CUX1: variants seen among roughly 807,000 people sequenced by gnomAD.
CUX1 encodes cut like homeobox 1.
CUX1 carries 31 observed loss-of-function variants against 158.8 expected under a neutral mutation model. That is an observed-to-expected ratio of 0.20 (90% CI 0.15 to 0.26). The LOEUF is 0.26. Ranked by LOEUF, CUX1 falls within the 10% of genes least tolerant of loss-of-function variation. The pLI, the probability that CUX1 is intolerant of heterozygous loss-of-function variation, is 1.00. For missense variants in CUX1, 1,589 were observed against 2,014.6 expected (o/e 0.79, Z 4.04); for synonymous variants, 879 against 862.1 (o/e 1.02, Z -0.34).
intron 23 of CUX1, among the ~76,000 whole-genome samples, chr7:102,239,881 G>C (rs782482539): frequency 4.6e-5 from 7 of 152,148 alleles, no homozygotes; most frequent in Non-Finnish European, 8.8e-5. Context: ...CAAGTAGCTG[G>C]GATTACAGGC....
intron 2 of CUX1, among the ~76,000 whole-genome samples, chr7:102,018,653 C>A (rs1818966216): frequency 6.6e-6 from 1 of 152,264 alleles, no homozygotes; most frequent in Non-Finnish European, 1.5e-5. Context: ...GAGCAGTTCT[C>A]AGCTCTGAGA....
rs541132371 is a variant in CUX1 at position 102,225,696 on chromosome 7, A to G, written c.3131-1671A>G. ...AACATAGCAAGACCTCATCTCTACA[A>G]AATAAAAAATTAGACAGGTGTAGTG... On this transcript the variant is annotated intron_variant, in intron 20 of 23. Coordinates refer to ENST00000292535, the MANE Select transcript of CUX1 (RefSeq NM_181552.4). Among the ~76,000 whole-genome samples the G allele has an allele frequency of 7.2e-5, 11 of 152,340 alleles. No individual in the cohort carries two copies. In the South Asian group the frequency reaches 2.3e-3, roughly 32 times the overall value.
At chr7:101,841,368 C>T (rs1795182215) in intron 1 of CUX1, among the ~76,000 whole-genome samples, 1 of 151,514 alleles carries the variant, frequency 6.6e-6, no homozygotes, top group Non-Finnish European at 1.5e-5. Context: ...TTATTTACAA[C>T]TCTTCTCTTT....
intron 9 of CUX1, among the ~76,000 whole-genome samples, chr7:102,164,196 G>C (rs556779838): frequency 6.6e-6 from 1 of 152,108 alleles, no homozygotes; most frequent in Non-Finnish European, 1.5e-5. Flanking sequence ...CCACCCCTCC[G>C]GGGCCTCCTT....
At position 102,248,720 on chromosome 7, in the gene CUX1, C is replaced by CG; in HGVS notation, c.4200dup (p.Pro1401AlafsTer150). On this transcript the variant is annotated frameshift_variant, in exon 24 of 24. Transcript: ENST00000292535. LOFTEE classifies it low-confidence loss of function (END_TRUNC). This position sits in a 1 kb window ranked among gnomAD's most constrained non-coding sequence, Gnocchi z 5.8. ...CACGAGGGAGGCCCCGTGGAAGGCC[C>CG]GGGGCCCCTGCCCAGCCCCGCCTCC... 8.5e-7 allele frequency: 1 copy of CG among 1,170,114 alleles called. No homozygotes were observed. The highest frequency in any genetic ancestry group is 1.1e-6 in the Non-Finnish European group (1 of 945,802). 72.5% of individuals were successfully genotyped at this position (1,170,114 alleles called of 1,614,324 possible). A position where few individuals can be genotyped will look rare whatever the true frequency, so the allele number is the denominator to read the frequency against.
chr7:101,913,425 GC>G, intron 1 of CUX1: 8 of 1,250,624 alleles, frequency 6.4e-6, no homozygotes, highest in Non-Finnish European at 7.3e-6. Context: ...TGGCTCTGCA[GC>G]CCCGGGATCA....
At chr7:102,279,309 C>T (rs149221651) in intron 18 of CUX1, among the ~76,000 whole-genome samples, 4,339 of 152,240 alleles carry the variant, frequency 0.029, 79 homozygotes, top group Middle Eastern at 0.054. Flanking sequence ...CCATTGCACT[C>T]CAGCCTGGGC....
chr7:101,817,760 G>T lies in CUX1; in HGVS notation c.30+91G>T. On this transcript the variant is annotated intron_variant, in intron 1 of 23. Transcript: ENST00000292535. The surrounding 1 kb of genome is among the most constrained non-coding windows in gnomAD (Gnocchi z 4.1). ...GTGCCCGGGTCCCGCGGCTTAGAAT[G>T]CTCTAGGGCGGCCTGGTGCTCTGGG... 1 of 1,480,060 alleles carries T rather than the reference G, an allele frequency of 6.8e-7. No homozygotes were observed. The allele number at this position is 1,480,060 out of a possible 1,614,324, so 91.7% of individuals were successfully genotyped here.
At chr7:102,236,057 GATGT>G (rs1799533408) in intron 22 of CUX1, among the ~76,000 whole-genome samples, 2 of 152,248 alleles carry the variant, frequency 1.3e-5, no homozygotes, top group Non-Finnish European at 2.9e-5. Flanking sequence ...ACTCTGCTTA[GATGT>G]CCTTATCCAG....
chr7:101,888,756 A>G (rs1284140503), intron 1 of CUX1, among the ~76,000 whole-genome samples: 1 of 151,840 alleles, frequency 6.6e-6, no homozygotes, highest in Non-Finnish European at 1.5e-5. Context: ...TACCCAGCTA[A>G]TTTTTGTATT....
intron 3 of CUX1, among the ~76,000 whole-genome samples, chr7:102,060,857 C>T (rs971180239): frequency 6.7e-6 from 1 of 149,242 alleles, no homozygotes; most frequent in Admixed American, 6.7e-5. Context: ...TGTGATCTGC[C>T]CACCTCAGCC....
At chr7:102,028,777 G>C (rs564952794) in intron 3 of CUX1, among the ~76,000 whole-genome samples, 56 of 152,314 alleles carry the variant, frequency 3.7e-4, no homozygotes, top group African/African-American at 1.3e-3. Flanking sequence ...TGGGCTCCAC[G>C]TGAGTGACAC....
intron 9 of CUX1, among the ~76,000 whole-genome samples, chr7:102,166,847 T>A (rs1791096218): frequency 6.6e-6 from 1 of 152,038 alleles, no homozygotes. Context: ...GATCAGAAAG[T>A]TGCGTGAAAG....
intron 22 of CUX1, among the ~76,000 whole-genome samples, chr7:102,234,549 C>G (rs1286270458): frequency 6.6e-6 from 1 of 152,058 alleles, no homozygotes; most frequent in African/African-American, 2.4e-5. Context: ...GGTGGCTGAT[C>G]GGGCTATCAC....
chr7:101,956,007 C>T (rs1334496096), intron 2 of CUX1, among the ~76,000 whole-genome samples: 1 of 151,912 alleles, frequency 6.6e-6, no homozygotes, highest in Non-Finnish European at 1.5e-5. Flanking sequence ...ACGGTGAAAC[C>T]CCGTCTCTAC....
chr7:101,968,792 TG>T (rs960123701), intron 2 of CUX1, among the ~76,000 whole-genome samples: 2 of 151,994 alleles, frequency 1.3e-5, no homozygotes, highest in African/African-American at 4.8e-5. Context: ...AGGGGAGAGT[TG>T]GTAGGGAGAG....
intron 8 of CUX1, among the ~76,000 whole-genome samples, chr7:102,130,146 G>A (rs1056368733): frequency 1.2e-4 from 18 of 151,972 alleles, no homozygotes; most frequent in Admixed American, 9.8e-4. Context: ...ATATTTCCTC[G>A]CCACCTCTCC....
At chr7:102,151,046 G>C (rs1430408993) in intron 8 of CUX1, among the ~76,000 whole-genome samples, 1 of 152,202 alleles carries the variant, frequency 6.6e-6, no homozygotes, top group Non-Finnish European at 1.5e-5. Context: ...TGAGCCTTCA[G>C]CATGAAGAGA....
intron 2 of CUX1, among the ~76,000 whole-genome samples, chr7:102,027,686 C>T (rs1563148823): frequency 1.3e-5 from 2 of 152,132 alleles, no homozygotes; most frequent in African/African-American, 4.8e-5. Flanking sequence ...CATGATGAAA[C>T]CCTGTCTCTA....
Sources: allele counts gnomAD v4.1 joint callset (sites outside exome capture counted in the v4.1 genomes callset), GRCh38; gene constraint gnomAD v4.1.1; non-coding constraint Gnocchi (gnomAD v3.1); transcripts MANE v1.5; gene names NCBI Gene and HGNC (gene_info 2026-07-23, HGNC 2026-07-21).